Variants in SNRPN observed in about 807,000 individuals in gnomAD.
The protein encoded by SNRPN is small nuclear ribonucleoprotein-associated protein N.
Under a neutral mutation model 25.2 loss-of-function variants are expected in SNRPN, and 7 were observed. The observed-to-expected ratio is 0.28, with a 90% CI of 0.16 to 0.52. The LOEUF is 0.52. Ranked by LOEUF, SNRPN falls within the 20% of genes least tolerant of loss-of-function variation. The probability of loss-of-function intolerance (pLI) is 0.96; values close to 1 mark genes in which losing one functional copy is unlikely to be tolerated. For synonymous variants in SNRPN, 124 were observed against 110.6 expected (o/e 1.12, Z -0.76); for missense variants, 196 against 322.5 (o/e 0.61, Z 3.00).
At chr15:24,968,483 A>C (rs996353864) in intron 3 of SNRPN, 1 of 157,334 alleles carries the variant, frequency 6.4e-6, no homozygotes, top group Admixed American at 6.2e-5. Context: ...AATTTTTTCA[A>C]ATATGCAGAT....
At chr15:24,835,515 C>T (rs1011484539) in intron 2 of SNRPN, among the ~76,000 whole-genome samples, 1 of 152,034 alleles carries the variant, frequency 6.6e-6, no homozygotes, top group Non-Finnish European at 1.5e-5. Flanking sequence ...TTCACTGGAA[C>T]CTGCTTCCAT....
chr15:24,905,433 C>T (rs959666035), intron 2 of SNRPN, among the ~76,000 whole-genome samples: 1 of 150,698 alleles, frequency 6.6e-6, no homozygotes, highest in East Asian at 2.0e-4. Context: ...CGCTTGAACC[C>T]GGGAGGCGGA....
intron 3 of SNRPN, among the ~76,000 whole-genome samples, chr15:24,932,298 G>C (rs1030385081): frequency 1.3e-5 from 2 of 150,858 alleles, no homozygotes; most frequent in East Asian, 4.0e-4. Flanking sequence ...GCAATGGTGC[G>C]ATCTTGGCTC....
chr15:24,978,186 A>T lies in SNRPN; in HGVS notation c.560-7A>T, dbSNP rs746246956. On this transcript the variant is annotated splice_polypyrimidine_tract_variant and splice_region_variant and intron_variant, in intron 8 of 9. Transcript: ENST00000390687. ...GAGGCCTTTATTTCTACCATTTTTC[A>T]CTGTAGGCATTATGGCTCCTCCACC... 1 of 1,609,632 alleles carries T rather than the reference A, an allele frequency of 6.2e-7. No homozygotes were observed. Among genetic ancestry groups the T allele is most frequent in the Non-Finnish European group, 8.5e-7 (1 of 1,178,120 alleles).
At chr15:24,899,271 T>C (rs1009765422) in intron 2 of SNRPN, among the ~76,000 whole-genome samples, 2 of 152,238 alleles carry the variant, frequency 1.3e-5, no homozygotes, top group South Asian at 2.1e-4. Context: ...TGTTTGAAGA[T>C]ATGTTTTAAT....
chr15:24,955,134 A>C (rs369476193), intron 1 of SNRPN, 72 bp downstream of exon 1: 7 of 1,600,826 alleles, frequency 4.4e-6, no homozygotes, highest in Non-Finnish European at 5.1e-6. Flanking sequence ...AGATATTCCA[A>C]GTTTTTAGGA....
chr15:24,828,502 G>A (rs181039931), intron 1 of SNRPN, among the ~76,000 whole-genome samples: 42 of 152,114 alleles, frequency 2.8e-4, no homozygotes, highest in Non-Finnish European at 4.6e-4. Flanking sequence ...AGCTGAGATC[G>A]CGCCACTGCA....
chr15:24,965,663 T>C (rs1041626361), intron 2 of SNRPN, among the ~76,000 whole-genome samples: 7 of 152,282 alleles, frequency 4.6e-5, no homozygotes, highest in Admixed American at 1.3e-4. Context: ...CGAAGGGAAA[T>C]TGGAAATTGG....
intron 3 of SNRPN, among the ~76,000 whole-genome samples, chr15:24,925,484 C>A (rs2060316355): frequency 6.6e-6 from 1 of 152,054 alleles, no homozygotes; most frequent in Non-Finnish European, 1.5e-5. Flanking sequence ...CCTACCACTC[C>A]CCAACACTTC....
At chr15:24,865,083 G>A (rs914196118) in intron 1 of SNRPN, among the ~76,000 whole-genome samples, 1 of 132,570 alleles carries the variant, frequency 7.5e-6, no homozygotes, top group Non-Finnish European at 1.6e-5. Flanking sequence ...GTCTTACTCT[G>A]TCCCCCAGGC....
chr15:24,917,930 G>A (rs1298943111), intron 2 of SNRPN, among the ~76,000 whole-genome samples: 1 of 152,098 alleles, frequency 6.6e-6, no homozygotes, highest in East Asian at 1.9e-4. Context: ...GAGAGCTCTT[G>A]ATTTTATGTA....
At chr15:24,962,904 TG>T (rs1052351504) in intron 2 of SNRPN, among the ~76,000 whole-genome samples, 28 of 152,240 alleles carry the variant, frequency 1.8e-4, no homozygotes, top group South Asian at 4.1e-4. Flanking sequence ...TAGCTACAAT[TG>T]TTTTTTTTAA....
intron 3 of SNRPN, among the ~76,000 whole-genome samples, chr15:24,923,140 G>A (rs774889285): frequency 7.2e-5 from 11 of 151,866 alleles, no homozygotes; most frequent in East Asian, 3.9e-4. Flanking sequence ...TCCTGACCTC[G>A]GGTGATCTGC....
rs115178112 is a variant in SNRPN at position 24,936,973 on chromosome 15, G to A, written c.-391+16849G>A. Among the ~76,000 whole-genome samples, 998 of 152,220 alleles carry A rather than the reference G, an allele frequency of 6.6e-3. 9 individuals carry two copies. The highest frequency in any genetic ancestry group is 0.023 in the African/African-American group (946 of 41,542). On this transcript the variant is annotated intron_variant, in intron 3 of 11. Transcript: ENST00000400097. ...TAAAGTAATAAAACCGGCCAGGTGC[G>A]ATGGCTCACGTGTGTAATCCCAGCA... is the stretch of plus-strand genomic sequence containing the variant.
At chr15:24,975,081 GA>G in intron 4 of SNRPN, 1 of 669,108 alleles carries the variant, frequency 1.5e-6, no homozygotes, top group South Asian at 1.6e-5. Flanking sequence ...TTACTTAGGG[GA>G]GTGGACAGTT....
intron 2 of SNRPN, among the ~76,000 whole-genome samples, chr15:24,893,819 C>T (rs941840116): frequency 1.3e-5 from 2 of 151,762 alleles, no homozygotes; most frequent in African/African-American, 2.4e-5. Context: ...CTCCCTCAGT[C>T]CTTGTTATGA....
chr15:24,976,450 T>C, intron 6 of SNRPN, 34 bp downstream of exon 6: 1 of 1,363,956 alleles, frequency 7.3e-7, no homozygotes, highest in Non-Finnish European at 1.0e-6. Context: ...AGAACTTTAA[T>C]TTGCAGGGAC....
At chr15:24,948,971 A>G (rs942633590) in intron 3 of SNRPN, among the ~76,000 whole-genome samples, 1 of 148,156 alleles carries the variant, frequency 6.7e-6, no homozygotes, top group Non-Finnish European at 1.5e-5. Flanking sequence ...TCCCCTGAAA[A>G]TCACTAATCT....
intron 1 of SNRPN, among the ~76,000 whole-genome samples, chr15:24,824,126 A>T (rs1173727164): frequency 6.6e-6 from 1 of 152,152 alleles, no homozygotes; most frequent in Non-Finnish European, 1.5e-5. Context: ...TTGCTATGAA[A>T]TACGACTGGT....
Sources: gnomAD v4.1 joint callset for allele counts (sites outside exome capture counted in the v4.1 genomes callset) on GRCh38, gnomAD v4.1.1 for gene constraint, MANE v1.5 for transcripts, NCBI Gene and HGNC (gene_info 2026-07-23, HGNC 2026-07-21) for gene names.